BMP6: variants seen among roughly 807,000 people sequenced by gnomAD.
The protein encoded by BMP6 is VG-1-R.
A neutral mutation model predicts 54.1 loss-of-function variants in BMP6; 17 were observed. The observed-to-expected ratio is 0.31, with a 90% confidence interval of 0.22 to 0.47. The LOEUF is 0.47. BMP6 is among the 20% of genes least tolerant of loss of function. BMP6 has a pLI of 1.00. For synonymous variants in BMP6, 328 were observed against 291.2 expected (o/e 1.13, Z -1.28); for missense variants, 720 against 690.4 (o/e 1.04, Z -0.48).
At chr6:7,745,341 A>G (rs1326642347) in intron 1 of BMP6, among the ~76,000 whole-genome samples, 2 of 152,182 alleles carry the variant, frequency 1.3e-5, no homozygotes. Context: ...TGGTGCAATC[A>G]TGGCTCAAGG....
intron 1 of BMP6, among the ~76,000 whole-genome samples, chr6:7,800,337 C>T (rs530782757): frequency 2.0e-4 from 31 of 152,222 alleles, no homozygotes; most frequent in Middle Eastern, 3.4e-3. Context: ...TAAATACAGA[C>T]TTTAAAAAAG....
chr6:7,793,187 C>A (rs911753), intron 1 of BMP6, among the ~76,000 whole-genome samples: 88,277 of 151,726 alleles, frequency 0.58, 26,232 homozygotes, highest in African/African-American at 0.66. Context: ...ATGGGCTATT[C>A]TTCAGCACTA....
At chr6:7,758,739 A>G (rs1210604949) in intron 1 of BMP6, among the ~76,000 whole-genome samples, 2 of 152,098 alleles carry the variant, frequency 1.3e-5, no homozygotes, top group African/African-American at 2.4e-5. Context: ...TGTGCCTCGC[A>G]ATTCTGGCAT....
intron 1 of BMP6, among the ~76,000 whole-genome samples, chr6:7,782,877 T>C (rs1177103818): frequency 6.6e-6 from 1 of 151,960 alleles, no homozygotes; most frequent in South Asian, 2.1e-4. Flanking sequence ...GGAAAGGCAA[T>C]TAACAGTTTA....
intron 1 of BMP6, among the ~76,000 whole-genome samples, chr6:7,785,695 TA>T (rs899508924): frequency 6.6e-6 from 1 of 152,016 alleles, no homozygotes; most frequent in African/African-American, 2.4e-5. Flanking sequence ...TCTTTTGCCT[TA>T]AAAAAAAGTC....
At chr6:7,748,152 C>A (rs1298518998) in intron 1 of BMP6, among the ~76,000 whole-genome samples, 1 of 150,684 alleles carries the variant, frequency 6.6e-6, no homozygotes, top group South Asian at 2.1e-4. Context: ...TGGGCCTTAC[C>A]CCTTAGAGAG....
intron 1 of BMP6, among the ~76,000 whole-genome samples, chr6:7,784,787 C>T (rs1249384364): frequency 1.3e-5 from 2 of 152,272 alleles, no homozygotes; most frequent in East Asian, 3.9e-4. Context: ...CTAATAGGAG[C>T]AGCTGAGGAA....
At chr6:7,778,906 C>T (rs1757899853) in intron 1 of BMP6, among the ~76,000 whole-genome samples, 1 of 152,208 alleles carries the variant, frequency 6.6e-6, no homozygotes, top group South Asian at 2.1e-4. Context: ...TGATTATTTT[C>T]TCCAGTATTC....
chr6:7,875,773 T>C (rs1759606474), intron 4 of BMP6, among the ~76,000 whole-genome samples: 1 of 152,182 alleles, frequency 6.6e-6, no homozygotes, highest in Non-Finnish European at 1.5e-5. Context: ...AAGCAGACTG[T>C]AATGAGAGAG....
intron 1 of BMP6, among the ~76,000 whole-genome samples, chr6:7,809,733 G>A (rs1158065984): frequency 6.6e-6 from 1 of 152,218 alleles, no homozygotes; most frequent in Non-Finnish European, 1.5e-5. Flanking sequence ...AGGGTCGACA[G>A]CCCAATGGCT....
chr6:7,799,256 T>C (rs1359259286), intron 1 of BMP6, among the ~76,000 whole-genome samples: 2 of 152,188 alleles, frequency 1.3e-5, no homozygotes. Flanking sequence ...TTCTCAATTA[T>C]CCATCTCAAG....
intron 1 of BMP6, among the ~76,000 whole-genome samples, chr6:7,830,941 A>G (rs540651373): frequency 2.6e-5 from 4 of 152,332 alleles, no homozygotes; most frequent in Non-Finnish European, 5.9e-5. Flanking sequence ...AGAGCAAAAG[A>G]GAATGGAAGA....
chr6:7,876,918 A>ATTGTT (rs775422024), intron 4 of BMP6, among the ~76,000 whole-genome samples: 8 of 134,388 alleles, frequency 6.0e-5, no homozygotes, highest in African/African-American at 1.9e-4. Context: ...TAGTTTTGTT[A>ATTGTT]TTGTTTTGTT....
At chr6:7,873,314 A>C (rs972866811) in intron 4 of BMP6, among the ~76,000 whole-genome samples, 1 of 152,184 alleles carries the variant, frequency 6.6e-6, no homozygotes, top group African/African-American at 2.4e-5. Context: ...GAACTCAAGA[A>C]AGTGCTATAC....
At chr6:7,785,103 A>G (rs775120790) in intron 1 of BMP6, among the ~76,000 whole-genome samples, 4 of 152,158 alleles carry the variant, frequency 2.6e-5, no homozygotes, top group African/African-American at 7.2e-5. Context: ...GGGGCCCCTC[A>G]AGGTTGAAGG....
intron 1 of BMP6, among the ~76,000 whole-genome samples, chr6:7,804,082 A>C (rs964207558): frequency 6.6e-6 from 1 of 152,216 alleles, no homozygotes; most frequent in Non-Finnish European, 1.5e-5. Flanking sequence ...TGCAGGAAAC[A>C]ATAAGGGATT....
chr6:7,845,638 T>C lies in BMP6; in HGVS notation c.857+306T>C, dbSNP rs148117736. On this transcript the variant is annotated intron_variant, in intron 2 of 6. Transcript: ENST00000283147. ...TTCCCACTATTGATTAGTCCTCATTTTGAATGATAGGTGAGAGTGGCTAAA... is the reference window on the plus strand; with the variant it reads ...TTCCCACTATTGATTAGTCCTCATTCTGAATGATAGGTGAGAGTGGCTAAA... Among the ~76,000 whole-genome samples, 13 of 152,358 alleles carry C rather than the reference T, an allele frequency of 8.5e-5. No homozygotes were observed. In the East Asian group the frequency reaches 2.5e-3, roughly 29 times the overall value.
chr6:7,758,858 C>T (rs1275775546), intron 1 of BMP6, among the ~76,000 whole-genome samples: 1 of 152,158 alleles, frequency 6.6e-6, no homozygotes, highest in Non-Finnish European at 1.5e-5. Flanking sequence ...CTGTGTGCTC[C>T]CTTGTCCACG....
At chr6:7,814,581 A>G (rs1758495552) in intron 1 of BMP6, among the ~76,000 whole-genome samples, 1 of 152,142 alleles carries the variant, frequency 6.6e-6, no homozygotes, top group Non-Finnish European at 1.5e-5. Flanking sequence ...AACTGTAGGA[A>G]GTATCTCTCT....
Sources: gnomAD v4.1 joint callset for allele counts (sites outside exome capture counted in the v4.1 genomes callset) on GRCh38, gnomAD v4.1.1 for gene constraint, MANE v1.5 for transcripts, NCBI Gene and HGNC (gene_info 2026-07-23, HGNC 2026-07-21) for gene names.